ATRNL1: variants seen among roughly 807,000 people sequenced by gnomAD.
ATRNL1 encodes attractin-like protein 1.
A neutral mutation model predicts 182.7 loss-of-function variants in ATRNL1; 95 were observed. The observed-to-expected ratio is 0.52, with a 90% CI of 0.44 to 0.62. The LOEUF is 0.62. ATRNL1 is among the 20% of genes least tolerant of loss of function. The pLI is 0.00. For synonymous variants in ATRNL1, 576 were observed against 568.3 expected, an observed-to-expected ratio of 1.01 and a Z score of -0.19; for missense variants, 1,471 against 1,679.5, an observed-to-expected ratio of 0.88 and a Z score of 2.17.
chr10:115,607,365 T>C (rs910593727), intron 26 of ATRNL1, among the ~76,000 whole-genome samples: 17 of 151,878 alleles, frequency 1.1e-4, no homozygotes, highest in Admixed American at 6.6e-5. Context: ...TCTCTGTTTA[T>C]GATCTCTGGA....
chr10:115,346,669 GC>G (rs1182986314), intron 19 of ATRNL1, among the ~76,000 whole-genome samples: 1 of 151,740 alleles, frequency 6.6e-6, no homozygotes, highest in Non-Finnish European at 1.5e-5. Flanking sequence ...ATGCTTTTTA[GC>G]CATTTCTTTA....
intron 26 of ATRNL1, among the ~76,000 whole-genome samples, chr10:115,713,804 G>C (rs1947162835): frequency 6.6e-6 from 1 of 151,918 alleles, no homozygotes; most frequent in African/African-American, 2.4e-5. Context: ...GTCATCAGTT[G>C]CTGAAGGACT....
At chr10:115,530,250 A>T (rs1288436178) in intron 25 of ATRNL1, among the ~76,000 whole-genome samples, 2 of 152,218 alleles carry the variant, frequency 1.3e-5, no homozygotes, top group Admixed American at 1.3e-4. Flanking sequence ...TAGGAGTAGA[A>T]TTGTTGATCA....
intron 21 of ATRNL1, among the ~76,000 whole-genome samples, chr10:115,460,550 C>G (rs896702461): frequency 7.9e-5 from 12 of 152,120 alleles, no homozygotes; most frequent in Non-Finnish European, 1.5e-4. Context: ...TTACCCTGGC[C>G]TCCATTACCT....
intron 27 of ATRNL1, among the ~76,000 whole-genome samples, chr10:115,827,573 A>G (rs1383094598): frequency 1.3e-5 from 2 of 152,178 alleles, no homozygotes; most frequent in African/African-American, 4.8e-5. Context: ...CATCATGAAC[A>G]CATTACATAA....
rs1850667063 is a variant in ATRNL1, at chr10:115,246,856, G to A, written c.1687+5131G>A. ...ATTACAGGCGTGAGCCACCGCGCCC[G>A]GCCATCTCTCTCATTCTTAACAAGT... On this transcript the variant is annotated intron_variant, in intron 10 of 28. Coordinates refer to ENST00000355044, the MANE Select transcript of ATRNL1 (RefSeq NM_207303.4). 3.1e-5 allele frequency among the ~76,000 whole-genome samples: 2 copies of A among 64,962 alleles called. 1 individual carries two copies. The highest frequency in any genetic ancestry group is 6.8e-5 in the Non-Finnish European group (2 of 29,504). 42.6% of individuals were successfully genotyped at this position (64,962 alleles called of 152,430 possible).
At chr10:115,943,449 T>A (rs1040957121) in intron 28 of ATRNL1, among the ~76,000 whole-genome samples, 3 of 152,168 alleles carry the variant, frequency 2.0e-5, no homozygotes, top group Non-Finnish European at 4.4e-5. Context: ...ATTAGAGAAT[T>A]GCAAATTTAA....
chr10:115,530,023 A>G (rs762022277), intron 25 of ATRNL1, among the ~76,000 whole-genome samples: 9 of 152,232 alleles, frequency 5.9e-5, no homozygotes, highest in Admixed American at 4.6e-4. Context: ...CATTAGCACA[A>G]TGTTTCTTAT....
intron 18 of ATRNL1, among the ~76,000 whole-genome samples, chr10:115,325,837 G>C (rs1303968238): frequency 6.6e-6 from 1 of 151,134 alleles, no homozygotes; most frequent in Non-Finnish European, 1.5e-5. Flanking sequence ...CCATTAATCT[G>C]TGAGGGAGAT....
At chr10:115,842,183 A>ATTTATTCTGTTCT (rs1950825582) in intron 27 of ATRNL1, among the ~76,000 whole-genome samples, 9 of 152,214 alleles carry the variant, frequency 5.9e-5, no homozygotes, top group Admixed American at 4.6e-4. Flanking sequence ...TCTTGTCAAA[A>ATTTATTCTGTTCT]TACTTATTAC....
chr10:115,645,416 G>GAT (rs553238458), intron 26 of ATRNL1, among the ~76,000 whole-genome samples: 43 of 146,332 alleles, frequency 2.9e-4, no homozygotes, highest in African/African-American at 8.0e-4. Context: ...CTCAATGGGA[G>GAT]ATATATATAT....
chr10:115,662,517 T>A (rs1259123583), intron 26 of ATRNL1, among the ~76,000 whole-genome samples: 1 of 152,136 alleles, frequency 6.6e-6, no homozygotes, highest in Non-Finnish European at 1.5e-5. Context: ...AGATGTGTAC[T>A]CTTTGACCAG....
intron 27 of ATRNL1, among the ~76,000 whole-genome samples, chr10:115,773,754 T>C (rs1949050508): frequency 6.6e-6 from 1 of 152,148 alleles, no homozygotes; most frequent in Admixed American, 6.5e-5. Flanking sequence ...TTAATGAAAG[T>C]GTTTCGTTAC....
At chr10:115,107,550 G>A (rs559609712) in intron 1 of ATRNL1, among the ~76,000 whole-genome samples, 15 of 152,244 alleles carry the variant, frequency 9.9e-5, no homozygotes, top group Non-Finnish European at 1.9e-4. Context: ...CATGCCTGCC[G>A]CTCTTATAGT....
intron 19 of ATRNL1, among the ~76,000 whole-genome samples, chr10:115,390,097 G>A (rs577906887): frequency 7.2e-5 from 11 of 152,050 alleles, no homozygotes; most frequent in African/African-American, 2.7e-4. Flanking sequence ...TTGAATATTA[G>A]CCTCTTACCA....
intron 19 of ATRNL1, among the ~76,000 whole-genome samples, chr10:115,375,296 C>G (rs782581397): frequency 4.6e-5 from 7 of 151,742 alleles, no homozygotes; most frequent in Non-Finnish European, 8.8e-5. Flanking sequence ...CACCCCTGAT[C>G]TCATTTGGTT....
chr10:115,709,233 G>A (rs1331527887), intron 26 of ATRNL1, among the ~76,000 whole-genome samples: 4 of 151,780 alleles, frequency 2.6e-5, no homozygotes, highest in Non-Finnish European at 4.4e-5. Flanking sequence ...GTGAATATAA[G>A]GCAGTTTCTG....
At chr10:115,289,536 C>A (rs75047152) in intron 15 of ATRNL1, among the ~76,000 whole-genome samples, 2,890 of 152,066 alleles carry the variant, frequency 0.019, 91 homozygotes, top group African/African-American at 0.065. Context: ...GTTCTTTGAT[C>A]CATTTTTTTG....
intron 8 of ATRNL1, 43 bp downstream of exon 8, chr10:115,171,335 G>A (rs781904638): frequency 2.0e-6 from 3 of 1,472,738 alleles, no homozygotes; most frequent in Non-Finnish European, 2.8e-6. Context: ...GATTGGGAAT[G>A]TTTTTCTCTT....
Sources: allele counts gnomAD v4.1 joint callset (sites outside exome capture counted in the v4.1 genomes callset), GRCh38; gene constraint gnomAD v4.1.1; transcripts MANE v1.5; gene names NCBI Gene and HGNC (gene_info 2026-07-23, HGNC 2026-07-21).